SEMA5A: variants seen among roughly 807,000 people sequenced by gnomAD.
SEMA5A encodes semaphorin-5A.
SEMA5A carries 55 observed loss-of-function variants against 135.5 expected under a neutral mutation model. The observed-to-expected ratio is 0.41, with a 90% CI of 0.33 to 0.51. SEMA5A has a LOEUF of 0.51. Among genes scored for constraint, SEMA5A ranks in the 20% least tolerant of loss-of-function variants. SEMA5A has a pLI of 0.37. For synonymous variants in SEMA5A, 580 were observed against 546.5 expected, an observed-to-expected ratio of 1.06 and a Z score of -0.85; for missense variants, 1,290 against 1,419.9, an observed-to-expected ratio of 0.91 and a Z score of 1.47.
chr5:9,055,812 A>G (rs752289274), intron 18 of SEMA5A, among the ~76,000 whole-genome samples: 1 of 151,978 alleles, frequency 6.6e-6, no homozygotes, highest in Non-Finnish European at 1.5e-5. Flanking sequence ...TTGATCAAGT[A>G]TTTGATACTG....
rs181730194 is a variant in SEMA5A, at chr5:9,063,171, C to T, written c.2300-66G>A. 2.0e-4 allele frequency: 285 copies of T among 1,441,904 alleles called. 2 individuals are homozygous for T. In the African/African-American group the frequency reaches 3.7e-3, roughly 19 times the overall value. 89.3% of individuals were successfully genotyped at this position (1,441,904 alleles called of 1,614,324 possible). A position where few individuals can be genotyped will look rare whatever the true frequency, so the allele number is the denominator to read the frequency against. On this transcript the variant is annotated intron_variant, in intron 17 of 22. Coordinates refer to ENST00000382496, the MANE Select transcript of SEMA5A (RefSeq NM_003966.3). The stretch of plus-strand genomic sequence containing the variant: ...TCAGAGGAACTACAGTCCATGCTGA[C>T]TTTCATTCTGTATCTGCTGTCTGCC...
chr5:9,265,257 A>G (rs1023624687), intron 5 of SEMA5A, among the ~76,000 whole-genome samples: 4 of 152,092 alleles, frequency 2.6e-5, no homozygotes, highest in African/African-American at 9.7e-5. Context: ...CTAATTACAT[A>G]TTCCCCTCCT....
chr5:9,301,075 A>G (rs1383591024), intron 5 of SEMA5A, among the ~76,000 whole-genome samples: 2 of 152,216 alleles, frequency 1.3e-5, no homozygotes, highest in Non-Finnish European at 2.9e-5. Context: ...ATTCTCTCTA[A>G]TGGCCAGAAC....
intron 2 of SEMA5A, among the ~76,000 whole-genome samples, chr5:9,420,759 G>A (rs1389890284): frequency 2.0e-5 from 3 of 151,876 alleles, no homozygotes; most frequent in Admixed American, 6.6e-5. Context: ...TCATGCCTGC[G>A]ACCCCAACAC....
chr5:9,240,953 C>T lies in SEMA5A; in HGVS notation c.271-3063G>A, dbSNP rs1366599856. 5.3e-5 allele frequency among the ~76,000 whole-genome samples: 8 copies of T among 152,052 alleles called. No homozygotes were observed. In the East Asian group the frequency reaches 1.5e-3, roughly 29 times the overall value. ...TTCATAGTCTCATTTCCTGAGTCTC[C>T]CTTTTAAAAATATTTAATTTTTGTC... On this transcript the variant is annotated intron_variant, in intron 5 of 22. Coordinates refer to ENST00000382496, the MANE Select transcript of SEMA5A (RefSeq NM_003966.3).
intron 1 of SEMA5A, among the ~76,000 whole-genome samples, chr5:9,477,913 A>T (rs1759731383): frequency 6.6e-6 from 1 of 152,226 alleles, no homozygotes. Context: ...TCTCCAAGGC[A>T]TTTCAAAGAT....
At chr5:9,458,252 T>C (rs191603194) in intron 1 of SEMA5A, among the ~76,000 whole-genome samples, 22 of 152,190 alleles carry the variant, frequency 1.4e-4, no homozygotes, top group African/African-American at 3.9e-4. Context: ...CCATTATGTA[T>C]CACAATTGTG....
At chr5:9,360,974 C>T (rs899604945) in intron 3 of SEMA5A, among the ~76,000 whole-genome samples, 1 of 152,020 alleles carries the variant, frequency 6.6e-6, no homozygotes, top group Non-Finnish European at 1.5e-5. Flanking sequence ...AGGGGCATAA[C>T]AATAAATAAG....
At chr5:9,502,931 C>T (rs147984723) in intron 1 of SEMA5A, among the ~76,000 whole-genome samples, 3 of 152,198 alleles carry the variant, frequency 2.0e-5, no homozygotes, top group Non-Finnish European at 4.4e-5. Context: ...GGATATTTTC[C>T]CAAAGGGATG....
chr5:9,424,271 G>A (rs908548787), intron 2 of SEMA5A, among the ~76,000 whole-genome samples: 1 of 152,156 alleles, frequency 6.6e-6, no homozygotes, highest in East Asian at 1.9e-4. Flanking sequence ...GGCATTTGAC[G>A]ATACAACAGT....
At chr5:9,050,789 CAG>C (rs1736530872) in intron 20 of SEMA5A, among the ~76,000 whole-genome samples, 1 of 152,234 alleles carries the variant, frequency 6.6e-6, no homozygotes, top group Non-Finnish European at 1.5e-5. Flanking sequence ...GCCCAACACA[CAG>C]AGTACTCCTG....
chr5:9,048,259 G>A (rs929200326), intron 21 of SEMA5A, among the ~76,000 whole-genome samples: 1 of 152,060 alleles, frequency 6.6e-6, no homozygotes, highest in African/African-American at 2.4e-5. Flanking sequence ...CGGTGCTTTG[G>A]GTTCAAAACT....
intron 6 of SEMA5A, among the ~76,000 whole-genome samples, chr5:9,228,971 A>G (rs1747472237): frequency 6.6e-6 from 1 of 152,136 alleles, no homozygotes; most frequent in South Asian, 2.1e-4. Context: ...TATTTTCTTT[A>G]CTAGAGACAG....
intron 11 of SEMA5A, among the ~76,000 whole-genome samples, chr5:9,163,915 T>C (rs539056463): frequency 4.5e-4 from 68 of 150,780 alleles, no homozygotes; most frequent in African/African-American, 1.6e-3. Flanking sequence ...AATAAATTTC[T>C]GTTGTTTAAG....
At position 9,372,971 on chromosome 5, in the gene SEMA5A, G is replaced by A. The variant is rs570369380; in HGVS notation, c.124+6852C>T. On this transcript the variant is annotated intron_variant, in intron 3 of 22. Coordinates refer to ENST00000382496, the MANE Select transcript of SEMA5A (RefSeq NM_003966.3). ...ATGCCAGTGGCCCACAAGACAGCAC[G>A]GGGTCAAGGGAAGAGTGACAGGAGG... Among the ~76,000 whole-genome samples the A allele has an allele frequency of 8.5e-4, 129 of 152,272 alleles. 1 individual carries two copies. Among genetic ancestry groups the A allele is most frequent in the Non-Finnish European group, 5.3e-4 (36 of 68,032 alleles).
rs200621236 is a variant in SEMA5A at position 9,066,500 on chromosome 5, C to T, written c.2220G>A (p.Pro740=). The T allele has an allele frequency of 5.0e-6, 8 of 1,614,134 alleles. No homozygotes were observed. Among genetic ancestry groups the T allele is most frequent in the Admixed American group, 1.7e-5 (1 of 60,022 alleles). ...TCTGTCTTCCCACTTCCAGCAAATT[C>T]GGATCAGCCAGGCGGGCTTTGCATG... ...RYTCKARLAD[P]NLLEVGRQRI... Residue 740 remains proline (P), a synonymous_variant, in exon 17 of 23, where the codon CCG becomes CCA. Transcript: ENST00000382496.
At chr5:9,448,356 C>T (rs1298813616) in intron 1 of SEMA5A, among the ~76,000 whole-genome samples, 1 of 152,174 alleles carries the variant, frequency 6.6e-6, no homozygotes, top group Non-Finnish European at 1.5e-5. Flanking sequence ...GAAATGCAAA[C>T]CATGTTTGAC....
intron 2 of SEMA5A, among the ~76,000 whole-genome samples, chr5:9,408,648 C>T (rs1756988664): frequency 6.6e-6 from 1 of 152,092 alleles, no homozygotes; most frequent in Non-Finnish European, 1.5e-5. Context: ...AACAGCACAA[C>T]ACAACGGTTA....
intron 10 of SEMA5A, among the ~76,000 whole-genome samples, chr5:9,191,043 A>G (rs1400935795): frequency 6.6e-6 from 1 of 152,230 alleles, no homozygotes; most frequent in Non-Finnish European, 1.5e-5. Flanking sequence ...ATTTCCAATT[A>G]GAAGAAATTA....
Sources: gnomAD v4.1 joint callset for allele counts (sites outside exome capture counted in the v4.1 genomes callset) on GRCh38, gnomAD v4.1.1 for gene constraint, MANE v1.5 for transcripts, NCBI Gene and HGNC (gene_info 2026-07-23, HGNC 2026-07-21) for gene names.